The following CACNA1E variants were observed in gnomAD, a reference collection of about 807,000 sequenced individuals.
CACNA1E encodes calcium voltage-gated channel subunit alpha1 E, also known as voltage-dependent R-type calcium channel subunit alpha-1E.
A neutral mutation model predicts 259.2 loss-of-function variants in CACNA1E; 40 were observed. That is an observed-to-expected ratio of 0.15 (90% CI 0.12 to 0.20). The LOEUF is 0.20. Ranked by LOEUF, CACNA1E falls within the 10% of genes least tolerant of loss-of-function variation. The pLI is 1.00. For synonymous variants in CACNA1E, 1,104 were observed against 1,138.5 expected, an observed-to-expected ratio of 0.97 and a Z score of 0.61; for missense variants, 1,874 against 3,040.1, an observed-to-expected ratio of 0.62 and a Z score of 9.02.
chr1:181,358,503 G>T (rs1425232205), intron 1 of CACNA1E, among the ~76,000 whole-genome samples: 4 of 152,168 alleles, frequency 2.6e-5, no homozygotes, highest in Admixed American at 2.6e-4. Context: ...TAGGTTGCAG[G>T]AGAGATTTTA....
At chr1:181,365,164 T>TTTTTTTA (rs939772823) in intron 1 of CACNA1E, among the ~76,000 whole-genome samples, 30 of 152,066 alleles carry the variant, frequency 2.0e-4, no homozygotes, top group Non-Finnish European at 1.0e-4. Flanking sequence ...AATCCTAGCT[T>TTTTTTTA]TTTTTTATTT....
chr1:181,367,626 A>G (rs1654378773), intron 1 of CACNA1E, among the ~76,000 whole-genome samples: 1 of 148,582 alleles, frequency 6.7e-6, no homozygotes, highest in African/African-American at 2.4e-5. Flanking sequence ...TATATGATTA[A>G]TCAAATATAA....
At chr1:181,377,971 T>C (rs1288564937) in intron 1 of CACNA1E, among the ~76,000 whole-genome samples, 1 of 152,220 alleles carries the variant, frequency 6.6e-6, no homozygotes, top group Non-Finnish European at 1.5e-5. Context: ...ATAAATAAAA[T>C]GCACATAGTT....
rs914693436 is a variant in CACNA1E, at chr1:181,704,616, G to A, written c.1056-6338G>A. Among the ~76,000 whole-genome samples, 3 of 152,128 alleles carry A rather than the reference G, an allele frequency of 2.0e-5. No homozygotes were observed. The East Asian group carries it at 5.8e-4, about 29-fold the overall frequency. ...GAGTGTGTGTACGTATGCTGCTTGTGCCAGGATGAGTGTGTGTTTCCATGC... is the reference window on the plus strand; with the variant it reads ...GAGTGTGTGTACGTATGCTGCTTGTACCAGGATGAGTGTGTGTTTCCATGC... On this transcript the variant is annotated intron_variant, in intron 7 of 47. Transcript: ENST00000367573.
chr1:181,765,444 A>G (rs1476182525), intron 34 of CACNA1E, among the ~76,000 whole-genome samples: 3 of 152,184 alleles, frequency 2.0e-5, no homozygotes, highest in Non-Finnish European at 4.4e-5. Context: ...TGCCCATCAA[A>G]GTGTAGTCAA....
chr1:181,559,599 A>G lies in CACNA1E; in HGVS notation c.513-18167A>G, dbSNP rs187847008. 5.4e-4 allele frequency among the ~76,000 whole-genome samples: 83 copies of G among 152,358 alleles called. 3 individuals carry two copies. The highest frequency in any genetic ancestry group is 4.2e-3 in the East Asian group (22 of 5,190). On this transcript the variant is annotated intron_variant, in intron 3 of 47. Coordinates refer to ENST00000367573, the MANE Select transcript of CACNA1E (RefSeq NM_001205293.3). The stretch of plus-strand genomic sequence containing the variant: ...TCAAGGAGAGGGTACTAAACACTAC[A>G]GAGTTATTATAAAGTGCTGCAATAC...
intron 43 of CACNA1E, among the ~76,000 whole-genome samples, chr1:181,786,608 C>T (rs192070054): frequency 1.3e-5 from 2 of 152,310 alleles, no homozygotes; most frequent in East Asian, 3.9e-4. Flanking sequence ...AATTAATCTA[C>T]TATAGCATAT....
At chr1:181,510,662 T>C in intron 2 of CACNA1E, 80 bp downstream of exon 2, 1 of 884,116 alleles carries the variant, frequency 1.1e-6, no homozygotes, top group Non-Finnish European at 1.9e-6. Context: ...ACTCTCCCAT[T>C]CCCTTCCTGC....
At chr1:181,425,511 A>C (rs1659101188) in intron 2 of CACNA1E, among the ~76,000 whole-genome samples, 1 of 150,920 alleles carries the variant, frequency 6.6e-6, no homozygotes, top group Non-Finnish European at 1.5e-5. Context: ...AATATTTATG[A>C]AATTGCTGTA....
intron 3 of CACNA1E, among the ~76,000 whole-genome samples, chr1:181,525,302 C>T (rs520702): frequency 0.15 from 22,819 of 152,212 alleles, 1,904 homozygotes; most frequent in African/African-American, 0.21. Flanking sequence ...TGGAAGATCA[C>T]TGGGAATGTG....
intron 2 of CACNA1E, among the ~76,000 whole-genome samples, chr1:181,473,248 T>C (rs1313087320): frequency 6.6e-6 from 1 of 152,192 alleles, no homozygotes; most frequent in Admixed American, 6.5e-5. Context: ...GATAGCTAAC[T>C]GAGGCTGGCC....
intron 27 of CACNA1E, among the ~76,000 whole-genome samples, chr1:181,752,660 A>T (rs1657698901): frequency 6.6e-6 from 1 of 152,178 alleles, no homozygotes; most frequent in Admixed American, 6.5e-5. Flanking sequence ...CTTATAACTC[A>T]AGAGGAGAAG....
intron 38 of CACNA1E, among the ~76,000 whole-genome samples, chr1:181,778,512 C>T (rs1042439934): frequency 6.6e-6 from 1 of 152,184 alleles, no homozygotes; most frequent in Non-Finnish European, 1.5e-5. Context: ...TTATAATTTC[C>T]AGCGGAAACC....
intron 3 of CACNA1E, among the ~76,000 whole-genome samples, chr1:181,521,963 C>T (rs867966752): frequency 1.1e-4 from 16 of 152,224 alleles, no homozygotes; most frequent in African/African-American, 3.6e-4. Flanking sequence ...GCAGGGACCA[C>T]ATCATTCACA....
At chr1:181,774,299 TTC>T (rs1221324953) in intron 37 of CACNA1E, among the ~76,000 whole-genome samples, 1 of 152,238 alleles carries the variant, frequency 6.6e-6, no homozygotes, top group Non-Finnish European at 1.5e-5. Context: ...GGAAAACCCT[TTC>T]TGTCTCTTGT....
At chr1:181,726,625 G>C (rs1009152131) in intron 18 of CACNA1E, among the ~76,000 whole-genome samples, 2 of 152,184 alleles carry the variant, frequency 1.3e-5, no homozygotes, top group African/African-American at 4.8e-5. Flanking sequence ...CCAACTCGGA[G>C]GTCCTTAAAG....
At chr1:181,649,531 C>A (rs533556614) in intron 6 of CACNA1E, among the ~76,000 whole-genome samples, 1 of 152,098 alleles carries the variant, frequency 6.6e-6, no homozygotes, top group Non-Finnish European at 1.5e-5. Flanking sequence ...ATAAATCATT[C>A]GGTTATAAAA....
intron 7 of CACNA1E, among the ~76,000 whole-genome samples, chr1:181,672,506 C>T (rs1648912590): frequency 6.6e-6 from 1 of 152,224 alleles, no homozygotes; most frequent in African/African-American, 2.4e-5. Context: ...TTGATATCTT[C>T]ACCTTCTAAA....
intron 34 of CACNA1E, among the ~76,000 whole-genome samples, chr1:181,764,842 T>C (rs1162542833): frequency 6.6e-6 from 1 of 152,148 alleles, no homozygotes; most frequent in Non-Finnish European, 1.5e-5. Flanking sequence ...AAGAAATATG[T>C]GTCATCCTGT....
Sources: allele counts gnomAD v4.1 joint callset (sites outside exome capture counted in the v4.1 genomes callset), GRCh38; gene constraint gnomAD v4.1.1; transcripts MANE v1.5; gene names NCBI Gene and HGNC (gene_info 2026-07-23, HGNC 2026-07-21).